Variants in NRP1 observed in about 807,000 individuals in gnomAD.
NRP1 encodes the protein neuropilin 1.
In NRP1, 35 loss-of-function variants were observed where a neutral mutation model predicts 106.7. The observed-to-expected ratio is 0.33, with a 90% CI of 0.25 to 0.43. NRP1 has a LOEUF of 0.43. Among genes scored for constraint, NRP1 ranks in the 20% least tolerant of loss-of-function variants. NRP1 has a pLI of 1.00. For missense variants in NRP1, 1,024 were observed against 1,170.4 expected (o/e 0.87, Z 1.83); for synonymous variants, 437 against 417.9 (o/e 1.05, Z -0.56).
chr10:33,244,228 T>G (rs1042244093), intron 6 of NRP1, among the ~76,000 whole-genome samples: 4 of 152,182 alleles, frequency 2.6e-5, no homozygotes, highest in Admixed American at 2.0e-4. Context: ...CATATTTTTT[T>G]GCTCTGGTGC....
chr10:33,233,937 C>T (rs1344924143), intron 6 of NRP1, among the ~76,000 whole-genome samples: 1 of 152,182 alleles, frequency 6.6e-6, no homozygotes, highest in East Asian at 1.9e-4. Flanking sequence ...CTATTCTAGG[C>T]TCTGTGGGCT....
intron 15 of NRP1, among the ~76,000 whole-genome samples, chr10:33,183,566 T>A (rs1307613750): frequency 6.6e-6 from 1 of 152,196 alleles, no homozygotes; most frequent in Non-Finnish European, 1.5e-5. Flanking sequence ...CAAAAATAGA[T>A]AAATACATAA....
intron 2 of NRP1, among the ~76,000 whole-genome samples, chr10:33,294,863 C>A (rs1026020579): frequency 6.6e-6 from 1 of 152,072 alleles, no homozygotes; most frequent in African/African-American, 2.4e-5. Flanking sequence ...TGATTAACAA[C>A]AAACACATCA....
chr10:33,295,211 G>T (rs2132658522), intron 2 of NRP1, among the ~76,000 whole-genome samples: 1 of 152,182 alleles, frequency 6.6e-6, no homozygotes, highest in South Asian at 2.1e-4. Flanking sequence ...TATAGCCAAG[G>T]TTTTCCAGTT....
chr10:33,314,839 G>A (rs766569734), intron 2 of NRP1, among the ~76,000 whole-genome samples: 4 of 152,160 alleles, frequency 2.6e-5, no homozygotes, highest in Non-Finnish European at 5.9e-5. Flanking sequence ...TTCAAGGAAC[G>A]CATCCCATGT....
At chr10:33,251,102 G>T (rs947470233) in intron 6 of NRP1, among the ~76,000 whole-genome samples, 13 of 152,192 alleles carry the variant, frequency 8.5e-5, no homozygotes, top group Admixed American at 7.9e-4. Flanking sequence ...GGTGGGAGGT[G>T]ATTTGATCAT....
intron 11 of NRP1, among the ~76,000 whole-genome samples, chr10:33,199,408 T>A (rs1402710407): frequency 3.5e-5 from 4 of 114,274 alleles, no homozygotes; most frequent in South Asian, 3.4e-4. Flanking sequence ...TTTTTTTTTT[T>A]TTTTTTTTTT....
chr10:33,259,385 G>A lies in NRP1; in HGVS notation c.659-2914C>T, dbSNP rs536660902. On this transcript the variant is annotated intron_variant, in intron 4 of 16. Transcript: ENST00000374867. Reference sequence around the variant, plus strand: ...ATTGAATTTTCCTGAACAACAGCGAGACCTTAGCCTAGCAAGCTAATGCAA... The same window carrying A: ...ATTGAATTTTCCTGAACAACAGCGAAACCTTAGCCTAGCAAGCTAATGCAA... Among the ~76,000 whole-genome samples, 185 of 152,266 alleles carry A rather than the reference G, an allele frequency of 1.2e-3. 1 individual carries two copies. Among genetic ancestry groups the A allele is most frequent in the Non-Finnish European group, 1.1e-3 (72 of 68,026 alleles).
intron 11 of NRP1, 135 bp from the exon 12 acceptor site, chr10:33,197,844 A>C: frequency 2.2e-6 from 1 of 450,492 alleles, no homozygotes; most frequent in Admixed American, 4.1e-5. Flanking sequence ...AATGATAGCA[A>C]TTGTTTCCCT....
intron 2 of NRP1, among the ~76,000 whole-genome samples, chr10:33,299,195 G>A (rs1384572317): frequency 6.6e-6 from 1 of 152,134 alleles, no homozygotes. Context: ...TCTAGAAAAT[G>A]AGCCAAACCT....
chr10:33,222,033 G>A (rs535496623), intron 7 of NRP1, among the ~76,000 whole-genome samples, 170 bp from the exon 8 acceptor site: 64 of 152,322 alleles, frequency 4.2e-4, no homozygotes, highest in African/African-American at 1.4e-3. Flanking sequence ...CAATCAGAAT[G>A]ATGTCTAATA....
At chr10:33,286,389 C>T (rs976437113) in intron 2 of NRP1, among the ~76,000 whole-genome samples, 2 of 152,164 alleles carry the variant, frequency 1.3e-5, no homozygotes, top group Non-Finnish European at 2.9e-5. Flanking sequence ...GAATGCCTTG[C>T]TTTTCCCTCC....
At chr10:33,302,444 G>T (rs1845866542) in intron 2 of NRP1, among the ~76,000 whole-genome samples, 1 of 152,176 alleles carries the variant, frequency 6.6e-6, no homozygotes, top group African/African-American at 2.4e-5. Context: ...TGAGGTTGTG[G>T]GCTCCTCCTT....
At chr10:33,273,233 G>A (rs1194766799) in intron 2 of NRP1, among the ~76,000 whole-genome samples, 1 of 152,144 alleles carries the variant, frequency 6.6e-6, no homozygotes, top group Non-Finnish European at 1.5e-5. Context: ...TATCGTTTTA[G>A]CACTTCCCTT....
chr10:33,236,910 A>G (rs867284770), intron 6 of NRP1, among the ~76,000 whole-genome samples: 2 of 152,068 alleles, frequency 1.3e-5, no homozygotes, highest in African/African-American at 2.4e-5. Flanking sequence ...CATTTTCTTA[A>G]CTGTCCCGCA....
intron 4 of NRP1, among the ~76,000 whole-genome samples, chr10:33,258,474 A>G (rs1232019549): frequency 1.3e-5 from 2 of 152,202 alleles, no homozygotes; most frequent in Non-Finnish European, 1.5e-5. Flanking sequence ...CTGCTTTATC[A>G]TGAAGAAAAT....
chr10:33,215,242 C>A (rs190246621), intron 8 of NRP1, among the ~76,000 whole-genome samples: 2 of 152,276 alleles, frequency 1.3e-5, no homozygotes, highest in African/African-American at 4.8e-5. Context: ...GCTCAAAACC[C>A]AGCTTAAGAC....
intron 6 of NRP1, among the ~76,000 whole-genome samples, chr10:33,242,326 T>C (rs904412441): frequency 9.2e-5 from 14 of 152,344 alleles, no homozygotes; most frequent in African/African-American, 1.4e-4. Context: ...CATTTTATAT[T>C]GGAGCTTTCC....
chr10:33,202,650 C>T, intron 11 of NRP1: 1 of 1,539,920 alleles, frequency 6.5e-7, no homozygotes, highest in Non-Finnish European at 8.8e-7. Context: ...TTAAGATAAT[C>T]CTAGCCTTTG....
Sources: allele counts gnomAD v4.1 joint callset (sites outside exome capture counted in the v4.1 genomes callset), GRCh38; gene constraint gnomAD v4.1.1; transcripts MANE v1.5; gene names NCBI Gene and HGNC (gene_info 2026-07-23, HGNC 2026-07-21).